Variants in NXN observed in about 807,000 individuals in gnomAD.
NXN encodes the protein nucleoredoxin, also known as nucleoredoxin 1.
A neutral mutation model predicts 48.6 loss-of-function variants in NXN; 16 were observed. The observed-to-expected ratio is 0.33, with a 90% CI of 0.22 to 0.50. The LOEUF is 0.50. NXN is among the 20% of genes least tolerant of loss of function. The pLI, the probability that NXN is intolerant of heterozygous loss-of-function variation, is 0.98. For synonymous variants in NXN, 281 were observed against 269.6 expected, an observed-to-expected ratio of 1.04 and a Z score of -0.41; for missense variants, 492 against 605.5, an observed-to-expected ratio of 0.81 and a Z score of 1.97.
Position 800,967 on chromosome 17 carries a change from G to C in NXN, c.1290C>G (p.Leu430=), listed in dbSNP as rs1166911380. Residue 430 remains leucine (L), a synonymous_variant, in exon 8 of 8, where the codon CTC becomes CTG. Transcript: ENST00000336868. ...AFVNDFLAEK[L]KPEPI ...AGCCACGCTAGATGGGCTCCGGTTT[G>C]AGCTTCTCTGCTAGGAAGTCATTCA... 6.6e-7 allele frequency: 1 copy of C among 1,504,064 alleles called. No homozygotes were observed. Among genetic ancestry groups the C allele is most frequent in the African/African-American group, 1.4e-5 (1 of 70,448 alleles). The allele number at this position is 1,504,064 out of a possible 1,614,324, so 93.2% of individuals were successfully genotyped here. A position where few individuals can be genotyped will look rare whatever the true frequency, so the allele number is the denominator to read the frequency against.
intron 1 of NXN, among the ~76,000 whole-genome samples, chr17:907,543 T>A (rs1232019494): frequency 6.9e-6 from 1 of 145,356 alleles, no homozygotes; most frequent in African/African-American, 2.5e-5. Flanking sequence ...TTTCACCATG[T>A]TGGCCAGGCT....
At chr17:833,690 A>C (rs1271570593) in intron 1 of NXN, among the ~76,000 whole-genome samples, 1 of 152,162 alleles carries the variant, frequency 6.6e-6, no homozygotes, top group African/African-American at 2.4e-5. Flanking sequence ...CTGTTAGCGG[A>C]AACTGATCAC....
intron 5 of NXN, among the ~76,000 whole-genome samples, chr17:816,574 C>T (rs1912485049): frequency 6.6e-6 from 1 of 151,972 alleles, no homozygotes; most frequent in Non-Finnish European, 1.5e-5. Flanking sequence ...AATCTCCCTA[C>T]CCCAGCACTG....
rs115947549 is a variant in NXN at position 885,339 on chromosome 17, G to A, written c.361-59261C>T. Among the ~76,000 whole-genome samples the A allele has an allele frequency of 7.2e-3, 1,102 of 152,078 alleles. 11 individuals are homozygous for A. The highest frequency in any genetic ancestry group is 0.024 in the African/African-American group (1,012 of 41,498). ...CTAAAAATACAAAAATTAGCTGGGC[G>A]TGGTGCAGGCGCCCGTCATCCCAGC... is the stretch of plus-strand genomic sequence containing the variant. On this transcript the variant is annotated intron_variant, in intron 1 of 7. Coordinates refer to ENST00000336868, the MANE Select transcript of NXN (RefSeq NM_022463.5).
At chr17:883,720 G>C (rs1030838870) in intron 1 of NXN, among the ~76,000 whole-genome samples, 22 of 152,230 alleles carry the variant, frequency 1.4e-4, no homozygotes, top group African/African-American at 5.1e-4. Context: ...CAGGACTTCA[G>C]GGGTCATGGT....
At chr17:856,418 T>C (rs192370363) in intron 1 of NXN, among the ~76,000 whole-genome samples, 1 of 151,958 alleles carries the variant, frequency 6.6e-6, no homozygotes, top group East Asian at 1.9e-4. Flanking sequence ...CTTAAGTCAC[T>C]GCAGGGCATG....
chr17:845,404 A>G (rs2067849325), intron 1 of NXN, among the ~76,000 whole-genome samples: 1 of 152,118 alleles, frequency 6.6e-6, no homozygotes, highest in Non-Finnish European at 1.5e-5. Flanking sequence ...AACATCCGAG[A>G]GAGAATTCCA....
intron 1 of NXN, among the ~76,000 whole-genome samples, chr17:899,372 G>A (rs1282963079): frequency 4.6e-5 from 7 of 152,066 alleles, no homozygotes. Context: ...GACGTGCTGG[G>A]TACAAAAAAT....
intron 1 of NXN, among the ~76,000 whole-genome samples, chr17:950,971 A>C (rs1215014165): frequency 6.6e-6 from 1 of 152,040 alleles, no homozygotes; most frequent in African/African-American, 2.4e-5. Context: ...AACTAGTACA[A>C]GGTCCAATCC....
intron 1 of NXN, among the ~76,000 whole-genome samples, chr17:955,901 CAAA>C (rs576853177): frequency 7.6e-6 from 1 of 130,910 alleles, no homozygotes. Context: ...GACTCCATCT[CAAA>C]AAAAAAAAAG....
intron 1 of NXN, among the ~76,000 whole-genome samples, chr17:881,850 G>A (rs1048597406): frequency 9.2e-5 from 14 of 152,196 alleles, no homozygotes; most frequent in South Asian, 4.2e-4. Context: ...AATGAAGCCC[G>A]ACACAAAATA....
At chr17:884,318 T>A (rs1354327040) in intron 1 of NXN, among the ~76,000 whole-genome samples, 1 of 151,952 alleles carries the variant, frequency 6.6e-6, no homozygotes, top group Non-Finnish European at 1.5e-5. Context: ...GGTGGGAGGA[T>A]CCCTTGAACC....
chr17:914,783 G>A (rs1266556153), intron 1 of NXN, among the ~76,000 whole-genome samples: 1 of 151,842 alleles, frequency 6.6e-6, no homozygotes, highest in East Asian at 1.9e-4. Context: ...TGGGTGTAGA[G>A]GAGGCGGAGC....
intron 1 of NXN, among the ~76,000 whole-genome samples, chr17:938,826 G>A (rs191277296): frequency 1.8e-4 from 27 of 152,264 alleles, no homozygotes; most frequent in African/African-American, 5.3e-4. Context: ...TTGGTAGGCC[G>A]AGGCGGGCGG....
chr17:934,307 G>A (rs779367255), intron 1 of NXN, among the ~76,000 whole-genome samples: 40 of 152,000 alleles, frequency 2.6e-4, no homozygotes, highest in Admixed American at 3.9e-4. Context: ...TTAGCCGGGC[G>A]TGGTGGCGGG....
At chr17:897,500 A>T (rs1057514051) in intron 1 of NXN, among the ~76,000 whole-genome samples, 2 of 152,120 alleles carry the variant, frequency 1.3e-5, no homozygotes, top group Non-Finnish European at 2.9e-5. Context: ...AGGGAAGGAA[A>T]ATGCCGGGCG....
At chr17:833,922 TC>T (rs1913639190) in intron 1 of NXN, among the ~76,000 whole-genome samples, 1 of 152,200 alleles carries the variant, frequency 6.6e-6, no homozygotes, top group South Asian at 2.1e-4. Flanking sequence ...CTCCCCGCTC[TC>T]CCACTGTCGC....
chr17:843,059 G>A (rs58241898), intron 1 of NXN, among the ~76,000 whole-genome samples: 9,355 of 89,410 alleles, frequency 0.1, 397 homozygotes, highest in African/African-American at 0.14. Context: ...AAAGAAAGAA[G>A]GAAGAAAGCA....
chr17:801,443 CTTTTTTTTTTTT>C (rs71371579), intron 7 of NXN, among the ~76,000 whole-genome samples: 7 of 104,306 alleles, frequency 6.7e-5, no homozygotes, highest in South Asian at 3.3e-4. Context: ...ATGTCACATT[CTTTTTTTTTTTT>C]TTTTTTTTGA....
Sources: gnomAD v4.1 joint callset for allele counts (sites outside exome capture counted in the v4.1 genomes callset) on GRCh38, gnomAD v4.1.1 for gene constraint, MANE v1.5 for transcripts, NCBI Gene and HGNC (gene_info 2026-07-23, HGNC 2026-07-21) for gene names.